The following CFAP54 variants were observed in gnomAD, a reference collection of about 807,000 sequenced individuals.
CFAP54 encodes the protein cilia and flagella associated protein 54.
CFAP54 carries 290 observed loss-of-function variants against 370.4 expected under a neutral mutation model. The observed-to-expected ratio is 0.78, with a 90% confidence interval of 0.71 to 0.86. CFAP54 has a LOEUF of 0.86. Among genes scored for constraint, CFAP54 ranks in the 40% least tolerant of loss-of-function variants. CFAP54 has a pLI of 0.00. For missense variants in CFAP54, 3,399 were observed against 3,528.7 expected, an observed-to-expected ratio of 0.96 and a Z score of 0.93; for synonymous variants, 1,206 against 1,236.5, an observed-to-expected ratio of 0.98 and a Z score of 0.52.
At position 96,576,635 on chromosome 12, in the gene CFAP54, T is replaced by G; in HGVS notation, c.2670T>G (p.Tyr890Ter). The part of the protein sequence containing the change: ...QRIEAEQNAL[Y>*]SYQKYLESSK... ...TTGAAGCTGAACAAAATGCCCTATA[T>G]TCCTATCAGAAATATTTGGAAAGTT... Residue 890 changes from tyrosine to a stop codon, truncating the protein, a stop_gained, in exon 20 of 68, where the codon TAT (tyrosine) becomes TAG (stop). Coordinates refer to ENST00000524981, the MANE Select transcript of CFAP54 (RefSeq NM_001306084.2). LOFTEE classifies it high-confidence loss of function. 6.5e-7 allele frequency: 1 copy of G among 1,535,236 alleles called. No individual in the cohort carries two copies. Among genetic ancestry groups the G allele is most frequent in the Non-Finnish European group, 8.7e-7 (1 of 1,146,242 alleles).
At chr12:96,489,959 G>A (rs746309463) in intron 1 of CFAP54, 33 bp downstream of exon 1, 1 of 1,503,046 alleles carries the variant, frequency 6.7e-7, no homozygotes, top group African/African-American at 1.4e-5. Context: ...GGAGGGCGCC[G>A]GCCAGAGGAG....
chr12:96,630,150 TA>T lies in CFAP54; in HGVS notation c.4167del (p.Ala1390GlnfsTer5). 3 of 1,503,980 alleles carry T rather than the reference TA, an allele frequency of 2.0e-6. No homozygotes were observed. Among genetic ancestry groups the T allele is most frequent in the Non-Finnish European group, 2.7e-6 (3 of 1,121,198 alleles). The allele number at this position is 1,503,980 out of a possible 1,614,324, so 93.2% of individuals were successfully genotyped here. ...TGAAATATAAGGATAGTGCTTTGAATAAAAAAGCAAACAAATCTTTAAAGTT... is the reference window on the plus strand; with the variant it reads ...TGAAATATAAGGATAGTGCTTTGAATAAAAAGCAAACAAATCTTTAAAGTT... ...KVKYKDSALN[K>X]KANKSLKFKA... On this transcript the variant is annotated frameshift_variant, in exon 31 of 68. Coordinates refer to ENST00000524981, the MANE Select transcript of CFAP54 (RefSeq NM_001306084.2). LOFTEE classifies it high-confidence loss of function.
At chr12:96,826,578 T>G (rs1256583215) in intron 65 of CFAP54, among the ~76,000 whole-genome samples, 4 of 109,172 alleles carry the variant, frequency 3.7e-5, no homozygotes, top group East Asian at 2.5e-4. Flanking sequence ...TAATATAGAT[T>G]ATATGTATTA....
intron 39 of CFAP54, among the ~76,000 whole-genome samples, chr12:96,671,191 C>T (rs537068144): frequency 5.9e-5 from 9 of 152,144 alleles, no homozygotes; most frequent in East Asian, 1.9e-4. Flanking sequence ...AGGCTGGTCT[C>T]GAACACCTGA....
chr12:96,601,870 G>T (rs1382886878), intron 26 of CFAP54, among the ~76,000 whole-genome samples: 1 of 152,040 alleles, frequency 6.6e-6, no homozygotes, highest in African/African-American at 2.4e-5. Context: ...AGTCTTGCTA[G>T]CAGTCTATCA....
chr12:96,688,067 A>G (rs1424949273), intron 42 of CFAP54, among the ~76,000 whole-genome samples: 2 of 152,128 alleles, frequency 1.3e-5, no homozygotes, highest in Admixed American at 1.3e-4. Context: ...AGATCCACAC[A>G]GTGAAGCTGA....
At chr12:96,619,674 A>G (rs1956463401) in intron 26 of CFAP54, among the ~76,000 whole-genome samples, 1 of 152,190 alleles carries the variant, frequency 6.6e-6, no homozygotes, top group Non-Finnish European at 1.5e-5. Context: ...CTACTAGCAT[A>G]TTAAAAGAAG....
At chr12:96,671,129 C>T (rs531442272) in intron 39 of CFAP54, among the ~76,000 whole-genome samples, 55 of 152,230 alleles carry the variant, frequency 3.6e-4, no homozygotes, top group Middle Eastern at 3.4e-3. Context: ...CCTGCCACCA[C>T]GCCTGGCTAA....
At chr12:96,700,613 G>T (rs1468023193) in intron 46 of CFAP54, among the ~76,000 whole-genome samples, 1 of 152,096 alleles carries the variant, frequency 6.6e-6, no homozygotes, top group Non-Finnish European at 1.5e-5. Context: ...TACCTGGCTT[G>T]TTTAATTTGT....
chr12:96,836,631 A>G (rs1959186982), intron 66 of CFAP54, among the ~76,000 whole-genome samples: 1 of 151,744 alleles, frequency 6.6e-6, no homozygotes, highest in African/African-American at 2.4e-5. Flanking sequence ...TAATATCTCC[A>G]TTTTTTCTCA....
intron 25 of CFAP54, among the ~76,000 whole-genome samples, chr12:96,598,055 G>A (rs928402804): frequency 6.6e-6 from 1 of 151,860 alleles, no homozygotes; most frequent in Non-Finnish European, 1.5e-5. Context: ...TGTCCTTTGG[G>A]TTAATCTAAA....
intron 26 of CFAP54, among the ~76,000 whole-genome samples, chr12:96,604,826 A>G (rs1956283959): frequency 1.3e-5 from 2 of 152,246 alleles, no homozygotes; most frequent in African/African-American, 2.4e-5. Context: ...TGCAAAGACC[A>G]TGGGAAAAGC....
At chr12:96,580,814 T>C in intron 21 of CFAP54, 106 bp from the exon 22 acceptor site, 1 of 1,138,098 alleles carries the variant, frequency 8.8e-7, no homozygotes, top group Non-Finnish European at 1.2e-6. Context: ...AATCCAACAA[T>C]GAAAGAAAAA....
rs1286061208 is a variant in CFAP54 at position 96,630,632 on chromosome 12, G to T, written c.4297G>T (p.Glu1433Ter). Residue 1433 changes from glutamate to a stop codon, truncating the protein, a stop_gained, in exon 32 of 68, where the codon GAA (glutamate) becomes TAA (stop). Coordinates refer to ENST00000524981, the MANE Select transcript of CFAP54 (RefSeq NM_001306084.2). LOFTEE classifies it high-confidence loss of function. ...CATTTTTAAAAATCCGGCTATTTCTGAAATGGTGGCACATGAAAGGTATTC... is the reference window on the plus strand; with the variant it reads ...CATTTTTAAAAATCCGGCTATTTCTTAAATGGTGGCACATGAAAGGTATTC... ...DFIFKNPAISEMVAHERNRRT... is the reference protein window; with the variant it reads ...DFIFKNPAIS The T allele has an allele frequency of 2.7e-5, 41 of 1,496,148 alleles. No homozygotes were observed. The highest frequency in any genetic ancestry group is 3.4e-5 in the Non-Finnish European group (38 of 1,128,666). 92.7% of individuals were successfully genotyped at this position (1,496,148 alleles called of 1,614,324 possible). A position where few individuals can be genotyped will look rare whatever the true frequency, so the allele number is the denominator to read the frequency against.
rs767263663 is a variant in CFAP54 at position 96,489,787 on chromosome 12, G to A, written c.178G>A (p.Val60Met). The change falls in exon 1 of 68, where the codon GTG (valine) becomes ATG (methionine). Residue 60 changes from valine (V) to methionine (M), a missense_variant. Physicochemically the swap from Val to Met is conservative, Grantham distance 21. Around this residue, in one of 3 missense-constraint regions of CFAP54, gnomAD observed 559 missense variants for 576.7 expected, o/e 0.97. Transcript: ENST00000524981. ...TCPEDSLPLA[V>M]FYGPLDAKNP... ...CCCCGAGGACTCATTGCCCCTAGCCGTGTTTTATGGGCCGCTGGACGCGAA... is the reference window on the plus strand; with the variant it reads ...CCCCGAGGACTCATTGCCCCTAGCCATGTTTTATGGGCCGCTGGACGCGAA... The A allele has an allele frequency of 4.6e-6, 7 of 1,536,100 alleles. No homozygotes were observed. The South Asian group carries it at 8.3e-5, about 18-fold the overall frequency.
chr12:96,636,802 A>C lies in CFAP54; in HGVS notation c.4316+6151A>C, dbSNP rs1267688248. On this transcript the variant is annotated intron_variant, in intron 32 of 67. Coordinates refer to ENST00000524981, the MANE Select transcript of CFAP54 (RefSeq NM_001306084.2). ...AACCCCGTCTCTACTAAAAATACAA[A>C]AATTAGCTGGGTGTGGCGGCACACG... Among the ~76,000 whole-genome samples the C allele has an allele frequency of 4.6e-5, 7 of 152,294 alleles. No individual in the cohort carries two copies. In the South Asian group the frequency reaches 1.4e-3, roughly 32 times the overall value.
intron 9 of CFAP54, among the ~76,000 whole-genome samples, chr12:96,527,975 A>G (rs893883174): frequency 9.2e-5 from 14 of 152,168 alleles, no homozygotes; most frequent in Admixed American, 4.6e-4. Flanking sequence ...ATATACAGTC[A>G]TCTATGAATG....
chr12:96,859,596 G>A (rs950466560), intron 66 of CFAP54, among the ~76,000 whole-genome samples: 3 of 151,852 alleles, frequency 2.0e-5, no homozygotes. Context: ...TAGTAGAGAC[G>A]GGGTTTCACT....
chr12:96,490,132 T>G (rs1318681853), intron 1 of CFAP54, among the ~76,000 whole-genome samples: 5 of 152,202 alleles, frequency 3.3e-5, no homozygotes, highest in Non-Finnish European at 5.9e-5. Flanking sequence ...ATATCTTGGC[T>G]TCCTGCTCAG....
Sources: allele counts gnomAD v4.1 joint callset (sites outside exome capture counted in the v4.1 genomes callset), GRCh38; gene constraint gnomAD v4.1.1; regional missense constraint gnomAD v4.1.1; transcripts MANE v1.5; gene names NCBI Gene and HGNC (gene_info 2026-07-23, HGNC 2026-07-21).